Variants in SRGAP3 observed in about 807,000 individuals in gnomAD.
The protein encoded by SRGAP3 is SLIT-ROBO Rho GTPase activating protein 3.
A neutral mutation model predicts 121.1 loss-of-function variants in SRGAP3; 39 were observed. The ratio of observed to expected loss-of-function variants is 0.32; its 90% CI spans 0.25 to 0.42. The LOEUF is 0.42. Ranked by LOEUF, SRGAP3 falls within the 10% of genes least tolerant of loss-of-function variation. The pLI, the probability that SRGAP3 is intolerant of heterozygous loss-of-function variation, is 1.00. For synonymous variants in SRGAP3, 601 were observed against 570.0 expected (o/e 1.05, Z -0.77); for missense variants, 1,213 against 1,470.6 (o/e 0.82, Z 2.86).
intron 1 of SRGAP3, among the ~76,000 whole-genome samples, chr3:9,343,023 T>C (rs1037499482): frequency 6.6e-6 from 1 of 152,196 alleles, no homozygotes; most frequent in Admixed American, 6.5e-5. Context: ...CTGGACTCCT[T>C]GTCCCCTGGC....
At chr3:9,187,550 C>T (rs1156809962) in intron 1 of SRGAP3, among the ~76,000 whole-genome samples, 5 of 152,174 alleles carry the variant, frequency 3.3e-5, no homozygotes, top group Admixed American at 1.3e-4. Flanking sequence ...CCTCTTCCCC[C>T]GGGAAGAATA....
intron 1 of SRGAP3, among the ~76,000 whole-genome samples, chr3:9,361,533 T>C (rs2030832919): frequency 1.3e-5 from 2 of 152,216 alleles, no homozygotes; most frequent in South Asian, 4.1e-4. Flanking sequence ...TAAAATTCTA[T>C]GCCCCCCAAC....
intron 1 of SRGAP3, among the ~76,000 whole-genome samples, chr3:9,197,135 G>C (rs779377111): frequency 6.6e-6 from 1 of 152,202 alleles, no homozygotes; most frequent in Non-Finnish European, 1.5e-5. Flanking sequence ...ATAGATGACA[G>C]GGTGTACTGG....
At position 8,985,731 on chromosome 3, in the gene SRGAP3, T is replaced by G; in HGVS notation, c.3088A>C (p.Ser1030Arg). ...DPDAAMRRSSSSSTEMMTTFK... is the reference protein window; with the variant it reads ...DPDAAMRRSSRSSTEMMTTFK... Reference sequence around the variant, plus strand: ...GTGGTCATCATCTCGGTGGAGGAGCTGCTGCTGCGGCGCATGGCGGCATCG... The same window carrying G: ...GTGGTCATCATCTCGGTGGAGGAGCGGCTGCTGCGGCGCATGGCGGCATCG... The change falls in exon 22 of 22, where the codon AGC (serine) becomes CGC (arginine). Residue 1030 changes from serine (S) to arginine (R), a missense_variant. By Grantham distance (110) the Ser-to-Arg change is moderately radical. This residue lies in a region of SRGAP3 where 420 missense variants were observed against 437.7 expected (regional missense o/e 0.96). Transcript: ENST00000383836. This position sits in a 1 kb window ranked among gnomAD's most constrained non-coding sequence, Gnocchi z 5.1. 1 of 1,597,988 alleles carries G rather than the reference T, an allele frequency of 6.3e-7. No individual in the cohort carries two copies. Among genetic ancestry groups the G allele is most frequent in the Non-Finnish European group, 8.5e-7 (1 of 1,179,458 alleles).
At chr3:9,347,014 G>A (rs1277554309) in intron 1 of SRGAP3, among the ~76,000 whole-genome samples, 4 of 151,756 alleles carry the variant, frequency 2.6e-5, no homozygotes, top group African/African-American at 4.8e-5. Context: ...GGCTAGTCTC[G>A]AACTCCTTAC....
At chr3:9,361,290 C>T (rs907379890) in intron 1 of SRGAP3, among the ~76,000 whole-genome samples, 8 of 151,836 alleles carry the variant, frequency 5.3e-5, no homozygotes, top group African/African-American at 1.2e-4. Flanking sequence ...TTTTTTGTAG[C>T]GACAGAGTTT....
At chr3:9,148,834 C>T (rs1483327422) in intron 1 of SRGAP3, among the ~76,000 whole-genome samples, 1 of 152,168 alleles carries the variant, frequency 6.6e-6, no homozygotes, top group African/African-American at 2.4e-5. Context: ...TAATCCTTCC[C>T]CAAACCTGAG....
chr3:9,042,843 C>T (rs897053100), intron 10 of SRGAP3, among the ~76,000 whole-genome samples: 1 of 152,138 alleles, frequency 6.6e-6, no homozygotes, highest in Non-Finnish European at 1.5e-5. Context: ...CCTCTGGGTT[C>T]CCAAACCGTC....
intron 3 of SRGAP3, among the ~76,000 whole-genome samples, chr3:9,260,678 C>G (rs779509924): frequency 6.6e-6 from 1 of 152,334 alleles, no homozygotes; most frequent in East Asian, 1.9e-4. Flanking sequence ...ATTCCCATCT[C>G]CCTGGGACAG....
chr3:9,002,593 A>G (rs1037004994), intron 18 of SRGAP3, among the ~76,000 whole-genome samples: 2 of 152,198 alleles, frequency 1.3e-5, no homozygotes, highest in Non-Finnish European at 1.5e-5. Context: ...TAAAGATTAG[A>G]GCAGAAATTA....
At chr3:9,354,814 ACTTAATCATATG>A (rs2030405297) in intron 1 of SRGAP3, among the ~76,000 whole-genome samples, 1 of 152,050 alleles carries the variant, frequency 6.6e-6, no homozygotes, top group Non-Finnish European at 1.5e-5. Flanking sequence ...GAATCATCAC[ACTTAATCATATG>A]CTTGTTTACT....
chr3:9,286,986 C>CTTTTTTTTTTTTTTTTTTTTTTTT (rs36096507), intron 3 of SRGAP3, among the ~76,000 whole-genome samples: 1 of 79,094 alleles, frequency 1.3e-5, no homozygotes, highest in Non-Finnish European at 2.3e-5. Context: ...CACTGACACT[C>CTTTTTTTTTTTTTTTTTTTTTTTT]TTTTTTTTTT....
chr3:9,192,025 C>A (rs893771888), intron 1 of SRGAP3, among the ~76,000 whole-genome samples: 3 of 152,164 alleles, frequency 2.0e-5, no homozygotes, highest in Non-Finnish European at 4.4e-5. Context: ...GAACCATGAG[C>A]GAATTAAATC....
At chr3:9,225,004 C>A (rs1241704793) in intron 1 of SRGAP3, among the ~76,000 whole-genome samples, 1 of 152,188 alleles carries the variant, frequency 6.6e-6, no homozygotes, top group African/African-American at 2.4e-5. Flanking sequence ...CAACTCGTAG[C>A]AGCCAACAGA....
chr3:9,288,474 C>A (rs897078518), intron 3 of SRGAP3, among the ~76,000 whole-genome samples: 1 of 151,730 alleles, frequency 6.6e-6, no homozygotes, highest in Non-Finnish European at 1.5e-5. Flanking sequence ...AGATATTGTT[C>A]CAGAACTCTC....
At chr3:9,033,834 A>C (rs4684623) in intron 11 of SRGAP3, 68,355 of 152,068 alleles carry the variant, frequency 0.45, 15,513 homozygotes, top group East Asian at 0.69. Flanking sequence ...GCCTCCTGTG[A>C]AGGAGAACTG....
intron 18 of SRGAP3, among the ~76,000 whole-genome samples, chr3:8,998,533 T>G (rs931416270): frequency 1.7e-5 from 1 of 59,996 alleles, no homozygotes; most frequent in Non-Finnish European, 3.2e-5. Flanking sequence ...GTTTGTGGTA[T>G]GGGTGTGTGT....
At chr3:9,072,528 C>A (rs1174597293) in intron 4 of SRGAP3, among the ~76,000 whole-genome samples, 2 of 152,252 alleles carry the variant, frequency 1.3e-5, no homozygotes, top group Non-Finnish European at 2.9e-5. Context: ...CTGGATGACA[C>A]TGTGCACACA....
rs910695733 is a variant in SRGAP3 at position 9,081,388 on chromosome 3, T to C, written c.424-1301A>G. 13 of 419,998 alleles carry C rather than the reference T, an allele frequency of 3.1e-5. No individual in the cohort carries two copies. In the Admixed American group the frequency reaches 3.2e-4, roughly 10 times the overall value. 26.0% of individuals were successfully genotyped at this position (419,998 alleles called of 1,614,324 possible). A position where few individuals can be genotyped will look rare whatever the true frequency, so the allele number is the denominator to read the frequency against. ...AAAAGATCTAGCTTCTCATTTCCAC[T>C]GTTGGCTGTGTGGCCTTGGAGAATC... is the stretch of plus-strand genomic sequence containing the variant. On this transcript the variant is annotated intron_variant, in intron 3 of 21. Transcript: ENST00000383836.
Sources: gnomAD v4.1 joint callset for allele counts (sites outside exome capture counted in the v4.1 genomes callset) on GRCh38, gnomAD v4.1.1 for gene constraint, gnomAD v4.1.1 regional missense constraint, Gnocchi (gnomAD v3.1) non-coding constraint, MANE v1.5 for transcripts, NCBI Gene and HGNC (gene_info 2026-07-23, HGNC 2026-07-21) for gene names.